Variants in PCDH9 observed in about 807,000 individuals in gnomAD.
PCDH9 encodes protocadherin-9.
PCDH9 carries 24 observed loss-of-function variants against 70.6 expected under a neutral mutation model. The observed-to-expected ratio is 0.34, with a 90% CI of 0.25 to 0.48. PCDH9 has a LOEUF of 0.48. PCDH9 is among the 20% of genes least tolerant of loss of function. The pLI is 0.99. For missense variants in PCDH9, 1,281 were observed against 1,503.6 expected (o/e 0.85, Z 2.45); for synonymous variants, 562 against 558.5 (o/e 1.01, Z -0.09).
At chr13:66,764,821 C>CAT (rs1207336469) in intron 3 of PCDH9, among the ~76,000 whole-genome samples, 1 of 151,636 alleles carries the variant, frequency 6.6e-6, no homozygotes, top group African/African-American at 2.4e-5. Context: ...TGGTATTTTT[C>CAT]ATATATATAA....
chr13:66,507,734 G>A (rs375591796), intron 4 of PCDH9, among the ~76,000 whole-genome samples: 77 of 123,850 alleles, frequency 6.2e-4, no homozygotes, highest in African/African-American at 2.0e-3. Flanking sequence ...TTGTTTGTTT[G>A]TTTTTGAGAT....
intron 4 of PCDH9, among the ~76,000 whole-genome samples, chr13:66,447,558 C>T (rs925387110): frequency 2.0e-5 from 3 of 151,908 alleles, no homozygotes; most frequent in East Asian, 1.9e-4. Flanking sequence ...TATGTGTGTG[C>T]GATTAAATCT....
intron 2 of PCDH9, among the ~76,000 whole-genome samples, chr13:67,039,668 CTGTT>C (rs1479769554): frequency 1.4e-4 from 22 of 152,102 alleles, no homozygotes; most frequent in African/African-American, 5.1e-4. Context: ...TTCAACCTGG[CTGTT>C]TATTTGTATT....
chr13:66,318,929 C>T (rs1029089851), intron 4 of PCDH9, among the ~76,000 whole-genome samples: 1 of 152,006 alleles, frequency 6.6e-6, no homozygotes, highest in African/African-American at 2.4e-5. Flanking sequence ...ATGTCATTGA[C>T]CAAAAAGGCT....
intron 2 of PCDH9, among the ~76,000 whole-genome samples, chr13:67,162,128 A>T (rs1364237398): frequency 6.6e-6 from 1 of 152,150 alleles, no homozygotes; most frequent in Non-Finnish European, 1.5e-5. Flanking sequence ...TTCAGGCTAA[A>T]TTTTCCTTGG....
chr13:66,874,637 G>C (rs1447040828), intron 3 of PCDH9, among the ~76,000 whole-genome samples: 1 of 152,038 alleles, frequency 6.6e-6, no homozygotes, highest in Non-Finnish European at 1.5e-5. Flanking sequence ...AAGTAAATGA[G>C]ATAAATGAGG....
chr13:67,100,269 C>T (rs2086405474), intron 2 of PCDH9, among the ~76,000 whole-genome samples: 1 of 151,982 alleles, frequency 6.6e-6, no homozygotes, highest in South Asian at 2.1e-4. Context: ...AACATAATGA[C>T]AATAAAAATA....
intron 2 of PCDH9, among the ~76,000 whole-genome samples, chr13:67,106,510 G>GC (rs1322541201): frequency 6.6e-6 from 1 of 152,150 alleles, no homozygotes; most frequent in Admixed American, 6.5e-5. Context: ...ACTTAATTTG[G>GC]CCCCACCACA....
chr13:67,092,888 A>C (rs1481131295), intron 2 of PCDH9, among the ~76,000 whole-genome samples: 1 of 151,708 alleles, frequency 6.6e-6, no homozygotes, highest in South Asian at 2.1e-4. Flanking sequence ...CCAGCCAGCC[A>C]TCAGATTCAC....
chr13:66,854,691 C>A (rs1056888570), intron 3 of PCDH9, among the ~76,000 whole-genome samples: 2 of 151,846 alleles, frequency 1.3e-5, no homozygotes, highest in African/African-American at 2.4e-5. Context: ...AAACATGGTG[C>A]TGAAGTGCTG....
chr13:66,692,345 T>C (rs2078500116), intron 3 of PCDH9, among the ~76,000 whole-genome samples: 1 of 152,118 alleles, frequency 6.6e-6, no homozygotes, highest in African/African-American at 2.4e-5. Context: ...AAGCATCATA[T>C]TTGGTTTTGA....
intron 2 of PCDH9, among the ~76,000 whole-genome samples, chr13:67,102,849 A>C (rs2086462037): frequency 6.6e-6 from 1 of 152,184 alleles, no homozygotes; most frequent in South Asian, 2.1e-4. Flanking sequence ...AGTTCATGTG[A>C]TTAAAATGAC....
chr13:67,165,632 G>GA (rs907861069), intron 2 of PCDH9, among the ~76,000 whole-genome samples: 46 of 147,372 alleles, frequency 3.1e-4, no homozygotes, highest in Admixed American at 1.0e-3. Flanking sequence ...CCCCCTCCAG[G>GA]AAAAAAAAAA....
At chr13:66,694,332 C>A (rs910135210) in intron 3 of PCDH9, among the ~76,000 whole-genome samples, 3 of 152,268 alleles carry the variant, frequency 2.0e-5, no homozygotes, top group African/African-American at 7.2e-5. Flanking sequence ...CAGAACACAA[C>A]TTTGTGGGCT....
chr13:66,779,618 T>A (rs531304839), intron 3 of PCDH9, among the ~76,000 whole-genome samples: 1 of 151,990 alleles, frequency 6.6e-6, no homozygotes, highest in East Asian at 1.9e-4. Flanking sequence ...GTCAAGAGAT[T>A]GAGACCATCT....
chr13:66,825,423 G>A (rs1356567508), intron 3 of PCDH9, among the ~76,000 whole-genome samples: 4 of 130,872 alleles, frequency 3.1e-5, no homozygotes, highest in Admixed American at 9.4e-5. Flanking sequence ...TGCAAGCTCC[G>A]CCTCCCGGGT....
At chr13:66,592,050 T>A (rs2077045352) in intron 4 of PCDH9, among the ~76,000 whole-genome samples, 1 of 151,550 alleles carries the variant, frequency 6.6e-6, no homozygotes, top group Admixed American at 6.6e-5. Context: ...TTTCAGGGGG[T>A]ATAAATGTGA....
intron 3 of PCDH9, among the ~76,000 whole-genome samples, chr13:66,802,616 G>A (rs1408230421): frequency 6.6e-6 from 1 of 151,950 alleles, no homozygotes; most frequent in Admixed American, 6.6e-5. Context: ...GTGCTGTAAA[G>A]TTTAAAAGTT....
chr13:67,215,676 G>A (rs1245915538), intron 2 of PCDH9: 16 of 152,114 alleles, frequency 1.1e-4, no homozygotes, highest in Admixed American at 1.0e-3. Flanking sequence ...ACATCTCTAA[G>A]TGATGGAAGA....
Sources: allele counts gnomAD v4.1 joint callset (sites outside exome capture counted in the v4.1 genomes callset), GRCh38; gene constraint gnomAD v4.1.1; transcripts MANE v1.5; gene names NCBI Gene and HGNC (gene_info 2026-07-23, HGNC 2026-07-21).